Variants in AKAP12 observed in about 807,000 individuals in gnomAD.
The protein encoded by AKAP12 is A-kinase anchor protein 12.
A neutral mutation model predicts 79.9 loss-of-function variants in AKAP12; 32 were observed. The observed-to-expected ratio is 0.40, with a 90% CI of 0.30 to 0.54. The LOEUF is 0.54. Ranked by LOEUF, AKAP12 falls within the 20% of genes least tolerant of loss-of-function variation. The probability of loss-of-function intolerance (pLI) is 0.48; values close to 1 mark genes in which losing one functional copy is unlikely to be tolerated. For missense variants in AKAP12, 2,074 were observed against 2,177.0 expected (o/e 0.95, Z 0.94); for synonymous variants, 808 against 857.0 (o/e 0.94, Z 1.00).
At chr6:151,342,783 T>G (rs1215653021) in intron 3 of AKAP12, among the ~76,000 whole-genome samples, 1 of 152,186 alleles carries the variant, frequency 6.6e-6, no homozygotes, top group African/African-American at 2.4e-5. Context: ...AACAGCTACC[T>G]TAGATACTGA....
At chr6:151,265,063 A>G (rs1329976779) in intron 2 of AKAP12, among the ~76,000 whole-genome samples, 1 of 151,860 alleles carries the variant, frequency 6.6e-6, no homozygotes, top group African/African-American at 2.4e-5. Flanking sequence ...AGACGGGAGA[A>G]TTGCTTGAAC....
chr6:151,341,786 GGT>G, intron 3 of AKAP12: 2 of 1,286,914 alleles, frequency 1.6e-6, no homozygotes, highest in South Asian at 1.2e-5. Context: ...GCCCGAGATG[GGT>G]GTGTGTGGGT....
chr6:151,295,763 T>C (rs966796335), intron 2 of AKAP12, among the ~76,000 whole-genome samples: 1 of 152,192 alleles, frequency 6.6e-6, no homozygotes, highest in Non-Finnish European at 1.5e-5. Context: ...TGGGATGATG[T>C]AGCGTAGGCT....
At chr6:151,263,102 C>T (rs1797469918) in intron 2 of AKAP12, among the ~76,000 whole-genome samples, 1 of 152,054 alleles carries the variant, frequency 6.6e-6, no homozygotes, top group South Asian at 2.1e-4. Flanking sequence ...GTAGTGCAAT[C>T]CTAGCTTACT....
intron 3 of AKAP12, among the ~76,000 whole-genome samples, chr6:151,326,133 C>T (rs1331382679): frequency 1.3e-5 from 2 of 152,184 alleles, no homozygotes; most frequent in African/African-American, 4.8e-5. Flanking sequence ...TTGACTGTGC[C>T]TATGGGAGAC....
intron 4 of AKAP12, among the ~76,000 whole-genome samples, chr6:151,355,023 T>C (rs1044851389): frequency 6.6e-6 from 1 of 151,924 alleles, no homozygotes; most frequent in Admixed American, 6.6e-5. Context: ...TGAGACAGAG[T>C]CTCACTCTGT....
rs140914868 is a variant in AKAP12 at position 151,327,173 on chromosome 6, A to G, written c.319+21270A>G. Among the ~76,000 whole-genome samples the G allele has an allele frequency of 6.6e-4, 99 of 150,442 alleles. 1 individual carries two copies. The highest frequency in any genetic ancestry group is 5.8e-3 in the Admixed American group (87 of 15,086). ...ATTTCTAGGACTTAAAATTTTCTCAATGCAACTGCTCCTGCAAAGCCATGC... is the reference window on the plus strand; with the variant it reads ...ATTTCTAGGACTTAAAATTTTCTCAGTGCAACTGCTCCTGCAAAGCCATGC... On this transcript the variant is annotated intron_variant, in intron 3 of 4. Transcript: ENST00000402676.
intron 2 of AKAP12, among the ~76,000 whole-genome samples, chr6:151,264,468 T>C (rs948147589): frequency 6.6e-6 from 1 of 150,546 alleles, no homozygotes; most frequent in Non-Finnish European, 1.5e-5. Flanking sequence ...GTCAGGAGTT[T>C]GAGACCAGCT....
Position 151,348,697 on chromosome 6 carries a change from C to CCCCTTTTTTTT in AKAP12, c.320-14_320-13insCCCTTTTTTTT. On this transcript the variant is annotated splice_polypyrimidine_tract_variant and intron_variant, in intron 3 of 4. Coordinates refer to ENST00000402676, the MANE Select transcript of AKAP12 (RefSeq NM_005100.4). Reference sequence around the variant, plus strand: ...TTCTCTTCTCCCCACCCCCCCGCCCCTTTTTGTTAATAGTTGGACAGAGAG... The same window carrying CCCCTTTTTTTT: ...TTCTCTTCTCCCCACCCCCCCGCCCCCCCTTTTTTTTTTTTTGTTAATAGTTGGACAGAGAG... 1.5e-6 allele frequency: 1 copy of CCCCTTTTTTTT among 650,664 alleles called. No individual in the cohort carries two copies. Among genetic ancestry groups the CCCCTTTTTTTT allele is most frequent in the South Asian group, 2.5e-5 (1 of 40,482 alleles). The allele number at this position is 650,664 out of a possible 1,614,324, so 40.3% of individuals were successfully genotyped here.
intron 2 of AKAP12, among the ~76,000 whole-genome samples, chr6:151,253,717 A>T (rs1264701250): frequency 6.5e-5 from 6 of 92,998 alleles, no homozygotes; most frequent in Non-Finnish European, 1.2e-4. Flanking sequence ...TTTTTCACAA[A>T]TGACTTTTTT....
chr6:151,283,394 C>T lies in AKAP12; in HGVS notation c.163-22353C>T, dbSNP rs544806636. Among the ~76,000 whole-genome samples the T allele has an allele frequency of 4.6e-5, 7 of 152,244 alleles. No individual in the cohort carries two copies. The South Asian group carries it at 1.5e-3, about 32-fold the overall frequency. On this transcript the variant is annotated intron_variant, in intron 2 of 4. Transcript: ENST00000402676. ...TCTCCAGGTTTCTAGGCTTTTCCAA[C>T]GAGGATGCTAATTCTTTGCCTGAAA...
At chr6:151,262,254 C>T (rs568359040) in intron 2 of AKAP12, among the ~76,000 whole-genome samples, 21 of 152,324 alleles carry the variant, frequency 1.4e-4, no homozygotes, top group African/African-American at 5.1e-4. Context: ...TGCGCCCGGC[C>T]CAAAACAATG....
intron 3 of AKAP12, among the ~76,000 whole-genome samples, chr6:151,341,297 G>T (rs1777938942): frequency 6.6e-6 from 1 of 152,096 alleles, no homozygotes; most frequent in African/African-American, 2.4e-5. Context: ...CAGGTGATCC[G>T]CCCGCTTTGG....
At position 151,351,732 on chromosome 6, in the gene AKAP12, A is replaced by G. The variant is rs775129306; in HGVS notation, c.3341A>G (p.Gln1114Arg). Residue 1114 changes from glutamine (Q) to arginine (R), a missense_variant, in exon 4 of 5, where the codon CAG becomes CGG. Physicochemically the swap from Gln to Arg is conservative, Grantham distance 43 (BLOSUM62 1). Around this residue, in one of 3 missense-constraint regions of AKAP12, gnomAD observed 1,428 missense variants for 1,451.0 expected, o/e 0.98. Coordinates refer to ENST00000402676, the MANE Select transcript of AKAP12 (RefSeq NM_005100.4). This position sits in a 1 kb window ranked among gnomAD's most constrained non-coding sequence, Gnocchi z 4.4. ...EPFTQGKVVG[Q>R]TTPESFEKAP... is the part of the protein sequence containing the mutation. Reference sequence around the variant, plus strand: ...TTTACACAAGGGAAGGTGGTGGGGCAGACCACCCCAGAAAGCTTTGAAAAA... The same window carrying G: ...TTTACACAAGGGAAGGTGGTGGGGCGGACCACCCCAGAAAGCTTTGAAAAA... The G allele has an allele frequency of 7.4e-6, 12 of 1,614,254 alleles. No individual in the cohort carries two copies. In the South Asian group the frequency reaches 1.3e-4, roughly 18 times the overall value.
At chr6:151,310,656 C>A (rs1777075874) in intron 3 of AKAP12, among the ~76,000 whole-genome samples, 1 of 151,686 alleles carries the variant, frequency 6.6e-6, no homozygotes, top group Non-Finnish European at 1.5e-5. Context: ...TTTTTTTTCC[C>A]CGAACAGTTG....
chr6:151,301,767 A>C (rs543095387), intron 2 of AKAP12, among the ~76,000 whole-genome samples: 2 of 152,252 alleles, frequency 1.3e-5, no homozygotes, highest in Middle Eastern at 6.8e-3. Context: ...TCACATAGTA[A>C]AATAGACTCA....
chr6:151,249,033 G>T (rs1312458280), intron 2 of AKAP12, among the ~76,000 whole-genome samples: 2 of 151,918 alleles, frequency 1.3e-5, no homozygotes, highest in Non-Finnish European at 2.9e-5. Context: ...AAAATAGATT[G>T]TGCCATTCAA....
chr6:151,268,146 C>T (rs1776091936), intron 2 of AKAP12, among the ~76,000 whole-genome samples: 1 of 152,248 alleles, frequency 6.6e-6, no homozygotes, highest in Admixed American at 6.5e-5. Context: ...GGTGGGGTGG[C>T]TCATGCCTGT....
chr6:151,275,578 A>G (rs1415671241), intron 2 of AKAP12, among the ~76,000 whole-genome samples: 1 of 152,230 alleles, frequency 6.6e-6, no homozygotes, highest in Non-Finnish European at 1.5e-5. Context: ...TGTAGAAGAC[A>G]TTTGGGTGAA....
Sources: gnomAD v4.1 joint callset for allele counts (sites outside exome capture counted in the v4.1 genomes callset) on GRCh38, gnomAD v4.1.1 for gene constraint, gnomAD v4.1.1 regional missense constraint, Gnocchi (gnomAD v3.1) non-coding constraint, MANE v1.5 for transcripts, NCBI Gene and HGNC (gene_info 2026-07-23, HGNC 2026-07-21) for gene names.